PARD3B: variants seen among roughly 807,000 people sequenced by gnomAD.
PARD3B encodes partitioning defective 3 homolog B.
A neutral mutation model predicts 130.2 loss-of-function variants in PARD3B; 103 were observed. The observed-to-expected ratio is 0.79, with a 90% CI of 0.67 to 0.93. PARD3B has a LOEUF of 0.93. PARD3B is among the 40% of genes least tolerant of loss of function. The pLI, the probability that PARD3B is intolerant of heterozygous loss-of-function variation, is 0.00. For missense variants in PARD3B, 1,609 were observed against 1,499.2 expected (o/e 1.07, Z -1.21); for synonymous variants, 583 against 553.2 (o/e 1.05, Z -0.76).
chr2:205,103,618 G>A, intron 4 of PARD3B: 1 of 742,946 alleles, frequency 1.3e-6, no homozygotes, highest in Non-Finnish European at 1.6e-6. Context: ...GAGTCCACGT[G>A]TAACAATAGT....
intron 2 of PARD3B, among the ~76,000 whole-genome samples, chr2:204,863,325 G>A (rs932567057): frequency 1.3e-5 from 2 of 152,068 alleles, no homozygotes; most frequent in African/African-American, 2.4e-5. Context: ...CCACTGGAGC[G>A]CCATCCTTGC....
intron 1 of PARD3B, among the ~76,000 whole-genome samples, chr2:204,568,301 G>GT (rs1488638684): frequency 1.3e-5 from 2 of 152,092 alleles, no homozygotes; most frequent in African/African-American, 4.8e-5. Context: ...CTTAAAAAAT[G>GT]TTTTTTCACA....
At chr2:205,433,543 A>G (rs1214975267) in intron 19 of PARD3B, among the ~76,000 whole-genome samples, 1 of 152,082 alleles carries the variant, frequency 6.6e-6, no homozygotes, top group Non-Finnish European at 1.5e-5. Flanking sequence ...AAAAAAAAAA[A>G]AAAAAAAAAA....
rs1342277028 is a variant in PARD3B, at chr2:205,530,390, G to C, written c.3181-22934G>C. Reference sequence around the variant, plus strand: ...TACATGTAATGCCACTTTGTAGTCAGTTCAATTGTAGCAAAAATAAGGGTT... The same window carrying C: ...TACATGTAATGCCACTTTGTAGTCACTTCAATTGTAGCAAAAATAAGGGTT... On this transcript the variant is annotated intron_variant, in intron 21 of 22. Coordinates refer to ENST00000406610, the MANE Select transcript of PARD3B (RefSeq NM_001302769.2). The surrounding 1 kb of genome is among the most constrained non-coding windows in gnomAD (Gnocchi z 4.7). Among the ~76,000 whole-genome samples the C allele has an allele frequency of 6.6e-6, 1 of 152,178 alleles. No homozygotes were observed.
At chr2:204,836,023 A>G (rs2044019386) in intron 2 of PARD3B, among the ~76,000 whole-genome samples, 1 of 152,242 alleles carries the variant, frequency 6.6e-6, no homozygotes, top group Non-Finnish European at 1.5e-5. Context: ...AAAAACTATC[A>G]AACTATGAAC....
At chr2:205,252,157 T>C (rs2039877731) in intron 16 of PARD3B, among the ~76,000 whole-genome samples, 1 of 152,178 alleles carries the variant, frequency 6.6e-6, no homozygotes, top group South Asian at 2.1e-4. Context: ...TCTTTACTCC[T>C]CAAATATGGA....
chr2:205,559,154 A>G (rs1281173500), intron 22 of PARD3B, among the ~76,000 whole-genome samples: 2 of 152,236 alleles, frequency 1.3e-5, no homozygotes, highest in East Asian at 1.9e-4. Context: ...CCTGCACCCA[A>G]GTGTTGCTGG....
At chr2:204,997,370 G>C (rs949404411) in intron 3 of PARD3B, among the ~76,000 whole-genome samples, 1 of 152,192 alleles carries the variant, frequency 6.6e-6, no homozygotes, top group Non-Finnish European at 1.5e-5. Flanking sequence ...GTCTTCACAT[G>C]AATGAACATG....
chr2:204,770,588 C>G (rs1304320267), intron 2 of PARD3B, among the ~76,000 whole-genome samples: 4 of 151,942 alleles, frequency 2.6e-5, no homozygotes, highest in Non-Finnish European at 5.9e-5. Context: ...GAGAGTATAC[C>G]AGGTTAAATT....
At chr2:204,970,217 G>A (rs192620916) in intron 3 of PARD3B, among the ~76,000 whole-genome samples, 77 of 152,260 alleles carry the variant, frequency 5.1e-4, no homozygotes, top group Non-Finnish European at 4.3e-4. Flanking sequence ...ATAGATCAAG[G>A]TTGGCCCAAC....
rs185350760 is a variant in PARD3B, at chr2:205,002,150, G to A, written c.394+36827G>A. On this transcript the variant is annotated intron_variant, in intron 3 of 22. Transcript: ENST00000406610. ...CTTGTCAATAGTCATGTGGTAGATA[G>A]CATTTATAGGGTGACAGTGTATGTT... Among the ~76,000 whole-genome samples the A allele has an allele frequency of 1.9e-4, 29 of 152,300 alleles. No individual in the cohort carries two copies. The East Asian group carries it at 5.4e-3, about 28-fold the overall frequency.
intron 5 of PARD3B, among the ~76,000 whole-genome samples, chr2:205,110,918 G>A (rs1472125208): frequency 2.6e-5 from 4 of 152,034 alleles, no homozygotes; most frequent in Admixed American, 6.5e-5. Context: ...ATTGTGTCCA[G>A]TCCTACTTGC....
At chr2:205,533,764 T>C (rs2051709377) in intron 21 of PARD3B, among the ~76,000 whole-genome samples, 2 of 152,210 alleles carry the variant, frequency 1.3e-5, no homozygotes, top group South Asian at 4.2e-4. Flanking sequence ...GGGTCTTGCT[T>C]TGTCACCCAG....
intron 2 of PARD3B, among the ~76,000 whole-genome samples, chr2:204,831,699 C>T (rs368257780): frequency 1.6e-4 from 24 of 151,888 alleles, no homozygotes; most frequent in African/African-American, 4.4e-4. Context: ...AAACCCTTCT[C>T]GTAGTTGTTT....
intron 20 of PARD3B, among the ~76,000 whole-genome samples, chr2:205,452,487 G>A (rs1346291533): frequency 6.6e-6 from 1 of 152,136 alleles, no homozygotes; most frequent in South Asian, 2.1e-4. Context: ...TTTCCGTAGA[G>A]AGTTAACTCA....
Position 205,243,753 on chromosome 2 carries a change from G to C in PARD3B, c.2141-2025G>C, listed in dbSNP as rs144889555. ...TTAAGAGTGCCATATTTAAGTTCAG[G>C]CTTCTCCATTTATGAGGTGTATGTC... On this transcript the variant is annotated intron_variant, in intron 15 of 22. Transcript: ENST00000406610. Among the ~76,000 whole-genome samples the C allele has an allele frequency of 7.4e-3, 1,119 of 152,142 alleles. 17 individuals carry two copies. The highest frequency in any genetic ancestry group is 0.025 in the African/African-American group (1,051 of 41,504).
At chr2:204,615,829 TGCA>T (rs973721729) in intron 1 of PARD3B, among the ~76,000 whole-genome samples, 1 of 152,186 alleles carries the variant, frequency 6.6e-6, no homozygotes, top group Non-Finnish European at 1.5e-5. Context: ...TACTTTGGAA[TGCA>T]GCAGAAGTGC....
intron 3 of PARD3B, among the ~76,000 whole-genome samples, chr2:205,025,940 C>T (rs1386061960): frequency 2.0e-5 from 3 of 152,164 alleles, no homozygotes; most frequent in African/African-American, 2.4e-5. Flanking sequence ...GCTTAACCTA[C>T]GCCTGTCACA....
chr2:205,156,406 G>A (rs983297303), intron 10 of PARD3B, among the ~76,000 whole-genome samples: 3 of 150,864 alleles, frequency 2.0e-5, no homozygotes, highest in Admixed American at 6.6e-5. Context: ...AAAACTTAAA[G>A]TATAATAATA....
Sources: allele counts gnomAD v4.1 joint callset (sites outside exome capture counted in the v4.1 genomes callset), GRCh38; gene constraint gnomAD v4.1.1; non-coding constraint Gnocchi (gnomAD v3.1); transcripts MANE v1.5; gene names NCBI Gene and HGNC (gene_info 2026-07-23, HGNC 2026-07-21).